The following EPS8 variants were observed in gnomAD, a reference collection of about 807,000 sequenced individuals.
EPS8 encodes EGFR pathway substrate 8, signaling adaptor.
A neutral mutation model predicts 103.8 loss-of-function variants in EPS8; 42 were observed. The ratio of observed to expected loss-of-function variants is 0.40; its 90% CI spans 0.32 to 0.52. EPS8 has a LOEUF of 0.52. Ranked by LOEUF, EPS8 falls within the 20% of genes least tolerant of loss-of-function variation. EPS8 has a pLI of 0.40. For synonymous variants in EPS8, 344 were observed against 344.6 expected (o/e 1.00, Z 0.02); for missense variants, 969 against 1,005.1 (o/e 0.96, Z 0.49).
At position 15,779,208 on chromosome 12, in the gene EPS8, A is replaced by C. The variant is rs2136052459; in HGVS notation, c.-22+9953T>G. ...TGTCAGGCTGGTCTCGAACTCCCAAACTCAGGTGATCCGCCTGCCTCGGCT... is the reference window on the plus strand; with the variant it reads ...TGTCAGGCTGGTCTCGAACTCCCAACCTCAGGTGATCCGCCTGCCTCGGCT... On this transcript the variant is annotated intron_variant, in intron 1 of 20. Coordinates refer to ENST00000281172, the MANE Select transcript of EPS8 (RefSeq NM_004447.6). This position sits in a 1 kb window ranked among gnomAD's most constrained non-coding sequence, Gnocchi z 4.3. Among the ~76,000 whole-genome samples, 1 of 152,022 alleles carries C rather than the reference A, an allele frequency of 6.6e-6. No homozygotes were observed. The highest frequency in any genetic ancestry group is 1.5e-5 in the Non-Finnish European group (1 of 67,946).
At position 15,666,517 on chromosome 12, in the gene EPS8, G is replaced by A; in HGVS notation, c.522C>T (p.Asn174=). The A allele has an allele frequency of 6.2e-7, 1 of 1,612,572 alleles. No homozygotes were observed. The highest frequency in any genetic ancestry group is 8.5e-7 in the Non-Finnish European group (1 of 1,178,872). ...CACTTTCAATATCTTCACTAATTAG[G>A]TTTGCCTGCAAAGAGACACAAGTTA... ...HLFQCDEVKA[N]LISEDIESAI... The change falls in exon 7 of 21, where the codon AAC becomes AAT. Residue 174 remains asparagine, a synonymous_variant. Coordinates refer to ENST00000281172, the MANE Select transcript of EPS8 (RefSeq NM_004447.6).
chr12:15,642,729 G>A (rs1945253748), intron 15 of EPS8, among the ~76,000 whole-genome samples: 1 of 152,110 alleles, frequency 6.6e-6, no homozygotes, highest in South Asian at 2.1e-4. Flanking sequence ...GACTAAAGAT[G>A]TTAGGTCATC....
chr12:15,753,501 G>A lies in EPS8; in HGVS notation c.-22+35660C>T, dbSNP rs76790389. Among the ~76,000 whole-genome samples the A allele has an allele frequency of 7.7e-4, 117 of 151,886 alleles. 1 individual carries two copies. Among genetic ancestry groups the A allele is most frequent in the African/African-American group, 2.7e-3 (111 of 41,212 alleles). On this transcript the variant is annotated intron_variant, in intron 1 of 20. Transcript: ENST00000281172. ...CAGATAAGGCATAACTAATACTACAGTACAATCCAGGGACAAAAGCATAAG... is the reference window on the plus strand; with the variant it reads ...CAGATAAGGCATAACTAATACTACAATACAATCCAGGGACAAAAGCATAAG...
rs1334744013 is a variant in EPS8, at chr12:15,658,604, G to A, written c.938-19C>T. The A allele has an allele frequency of 1.9e-5, 29 of 1,545,646 alleles. No individual in the cohort carries two copies. Among genetic ancestry groups the A allele is most frequent in the Non-Finnish European group, 2.6e-5 (29 of 1,119,924 alleles). On this transcript the variant is annotated intron_variant, in intron 10 of 20. Coordinates refer to ENST00000281172, the MANE Select transcript of EPS8 (RefSeq NM_004447.6). Reference sequence around the variant, plus strand: ...ACACCCTCTAATGAAATAAGCGAGAGGAGAGGATCAGAGCAAAATCCAAGG... The same window carrying A: ...ACACCCTCTAATGAAATAAGCGAGAAGAGAGGATCAGAGCAAAATCCAAGG...
intron 1 of EPS8, among the ~76,000 whole-genome samples, chr12:15,689,982 A>G (rs1356497514): frequency 6.6e-6 from 1 of 152,330 alleles, no homozygotes; most frequent in East Asian, 1.9e-4. Flanking sequence ...GCATCTAAAA[A>G]TAGTAAATCA....
At position 15,693,790 on chromosome 12, in the gene EPS8, G is replaced by A. The variant is rs763950462; in HGVS notation, c.-21-10818C>T. On this transcript the variant is annotated intron_variant, in intron 1 of 20. Transcript: ENST00000281172. The surrounding 1 kb of genome is among the most constrained non-coding windows in gnomAD (Gnocchi z 5.6). ...CATCATCCTCAGGAAACTAACACAG[G>A]AACAGAAAACCAAACACTGCATATT... Among the ~76,000 whole-genome samples, 1 of 152,118 alleles carries A rather than the reference G, an allele frequency of 6.6e-6. No individual in the cohort carries two copies. The highest frequency in any genetic ancestry group is 1.5e-5 in the Non-Finnish European group (1 of 68,030).
At chr12:15,645,883 T>C (rs1336761512) in intron 15 of EPS8, among the ~76,000 whole-genome samples, 3 of 152,210 alleles carry the variant, frequency 2.0e-5, no homozygotes, top group African/African-American at 4.8e-5. Flanking sequence ...CTCAAGTGGT[T>C]TTCTAGCTAC....
intron 17 of EPS8, among the ~76,000 whole-genome samples, chr12:15,638,695 A>G (rs367737745): frequency 6.6e-6 from 1 of 152,240 alleles, no homozygotes; most frequent in East Asian, 1.9e-4. Context: ...AAACTTGTGA[A>G]CTCTTAAAAA....
At chr12:15,638,731 AC>A (rs1945179379) in intron 17 of EPS8, among the ~76,000 whole-genome samples, 1 of 152,252 alleles carries the variant, frequency 6.6e-6, no homozygotes, top group Non-Finnish European at 1.5e-5. Context: ...GCCAAAGTTG[AC>A]AAAAATAAAA....
intron 9 of EPS8, among the ~76,000 whole-genome samples, chr12:15,661,183 G>A (rs951690528): frequency 6.6e-6 from 1 of 152,128 alleles, no homozygotes; most frequent in Admixed American, 6.5e-5. Context: ...GCTAGTCTAG[G>A]ATACTAAGCA....
In EPS8 at chr12:15,749,574, C is replaced by T. The variant is rs1230262733; in HGVS notation, c.-22+39587G>A. On this transcript the variant is annotated intron_variant, in intron 1 of 20. Transcript: ENST00000281172. This position sits in a 1 kb window ranked among gnomAD's most constrained non-coding sequence, Gnocchi z 4.0. ...TTGTTTATCTTCTTCACTCTGGCTG[C>T]GACTATGCCTCACTCAGAGAAGGGA... is the stretch of plus-strand genomic sequence containing the variant. 1.3e-5 allele frequency among the ~76,000 whole-genome samples: 2 copies of T among 152,074 alleles called. No homozygotes were observed. The highest frequency in any genetic ancestry group is 1.9e-4 in the East Asian group (1 of 5,196).
At chr12:15,722,884 G>C (rs1040922725) in intron 1 of EPS8, among the ~76,000 whole-genome samples, 2 of 151,714 alleles carry the variant, frequency 1.3e-5, no homozygotes, top group Non-Finnish European at 1.5e-5. Flanking sequence ...CTATCACATC[G>C]AAGATTAGGT....
Position 15,623,998 on chromosome 12 carries a change from T to G in EPS8, c.2225+229A>C, listed in dbSNP as rs7296317. ...AATAGTTTGCTTAAAGAACTAATAA[T>G]GAACAGATACTACCAATTCGAAAAT... On this transcript the variant is annotated intron_variant, in intron 19 of 20. Transcript: ENST00000281172. 0.011 allele frequency among the ~76,000 whole-genome samples: 1,674 copies of G among 152,302 alleles called. 37 individuals are homozygous for G. Among genetic ancestry groups the G allele is most frequent in the African/African-American group, 0.038 (1,594 of 41,552 alleles).
At chr12:15,672,123 C>T (rs979254224) in intron 3 of EPS8, among the ~76,000 whole-genome samples, 16 of 152,084 alleles carry the variant, frequency 1.1e-4, no homozygotes, top group African/African-American at 3.6e-4. Flanking sequence ...AAATGTAAAC[C>T]TATTTCTTTT....
In EPS8 at chr12:15,733,632, G is replaced by A. The variant is rs999242508; in HGVS notation, c.-21-50660C>T. Among the ~76,000 whole-genome samples, 1 of 151,776 alleles carries A rather than the reference G, an allele frequency of 6.6e-6. No homozygotes were observed. The highest frequency in any genetic ancestry group is 1.5e-5 in the Non-Finnish European group (1 of 67,906). On this transcript the variant is annotated intron_variant, in intron 1 of 20. Coordinates refer to ENST00000281172, the MANE Select transcript of EPS8 (RefSeq NM_004447.6). This position sits in a 1 kb window ranked among gnomAD's most constrained non-coding sequence, Gnocchi z 4.8. ...CACATGTTCTTGGTGGATGGAAGAAGAATAACAACAACAGAAATAAAGGCA... is the reference window on the plus strand; with the variant it reads ...CACATGTTCTTGGTGGATGGAAGAAAAATAACAACAACAGAAATAAAGGCA...
intron 1 of EPS8, among the ~76,000 whole-genome samples, chr12:15,775,991 A>G (rs1947203428): frequency 6.6e-6 from 1 of 152,194 alleles, no homozygotes; most frequent in Non-Finnish European, 1.5e-5. Flanking sequence ...CACTGGAAAA[A>G]GCTGAAATGA....
chr12:15,699,457 C>A (rs2950439), intron 1 of EPS8, among the ~76,000 whole-genome samples: 152,225 of 152,340 alleles, frequency 1, 76,055 homozygotes, highest in Non-Finnish European at 1. Context: ...ATCTATATCT[C>A]TCAGTTCCTT....
rs1565540918 is a variant in EPS8, at chr12:15,779,257, C to T, written c.-22+9904G>A. On this transcript the variant is annotated intron_variant, in intron 1 of 20. Coordinates refer to ENST00000281172, the MANE Select transcript of EPS8 (RefSeq NM_004447.6). This position sits in a 1 kb window ranked among gnomAD's most constrained non-coding sequence, Gnocchi z 4.3. ...CTTCCCAAAATGCTGGGATTACAGG[C>T]GTGAGCCACCTTGCCCAGCAAAATG... Among the ~76,000 whole-genome samples, 3 of 152,190 alleles carry T rather than the reference C, an allele frequency of 2.0e-5. No individual in the cohort carries two copies. The highest frequency in any genetic ancestry group is 4.4e-5 in the Non-Finnish European group (3 of 68,026).
At chr12:15,625,313 T>A (rs957102815) in intron 18 of EPS8, among the ~76,000 whole-genome samples, 4 of 152,194 alleles carry the variant, frequency 2.6e-5, no homozygotes, top group African/African-American at 9.7e-5. Context: ...CATTTCTCCC[T>A]TATTTATCCT....
Sources: allele counts gnomAD v4.1 joint callset (sites outside exome capture counted in the v4.1 genomes callset), GRCh38; gene constraint gnomAD v4.1.1; non-coding constraint Gnocchi (gnomAD v3.1); transcripts MANE v1.5; gene names NCBI Gene and HGNC (gene_info 2026-07-23, HGNC 2026-07-21).